TESK2: variants seen among roughly 807,000 people sequenced by gnomAD.
TESK2 encodes the protein dual specificity testis-specific protein kinase 2.
Under a neutral mutation model 57.1 loss-of-function variants are expected in TESK2, and 39 were observed. The ratio of observed to expected loss-of-function variants is 0.68; its 90% confidence interval spans 0.53 to 0.89. The LOEUF (loss-of-function observed/expected upper bound fraction) is 0.89, where lower values mean the gene tolerates loss of function less well. Ranked by LOEUF, TESK2 falls within the 40% of genes least tolerant of loss-of-function variation. The probability of loss-of-function intolerance (pLI) is 0.00; values close to 1 mark genes in which losing one functional copy is unlikely to be tolerated. For missense variants in TESK2, 646 were observed against 732.1 expected, an observed-to-expected ratio of 0.88 and a Z score of 1.36; for synonymous variants, 249 against 267.9, an observed-to-expected ratio of 0.93 and a Z score of 0.69.
chr1:45,391,768 A>G (rs1649156238), intron 3 of TESK2, among the ~76,000 whole-genome samples: 1 of 151,652 alleles, frequency 6.6e-6, no homozygotes, highest in South Asian at 2.1e-4. Flanking sequence ...GTCTCTCCCT[A>G]CCTCCCACAG....
chr1:45,412,113 A>G (rs1246442495), intron 3 of TESK2, among the ~76,000 whole-genome samples: 1 of 152,254 alleles, frequency 6.6e-6, no homozygotes, highest in East Asian at 1.9e-4. Context: ...CTGGAAAAAC[A>G]GACTGAACCT....
At chr1:45,411,520 C>A (rs1317756538) in intron 3 of TESK2, among the ~76,000 whole-genome samples, 6 of 152,188 alleles carry the variant, frequency 3.9e-5, no homozygotes, top group African/African-American at 1.4e-4. Context: ...GCAATGCTTG[C>A]TCACCTGTTC....
At chr1:45,427,532 G>A (rs538509278) in intron 2 of TESK2, among the ~76,000 whole-genome samples, 51 of 152,254 alleles carry the variant, frequency 3.3e-4, no homozygotes, top group African/African-American at 1.0e-3. Flanking sequence ...CAAACAAATG[G>A]ATAAAGAAAA....
intron 3 of TESK2, among the ~76,000 whole-genome samples, chr1:45,407,149 G>C (rs1298024746): frequency 6.6e-6 from 1 of 152,140 alleles, no homozygotes; most frequent in African/African-American, 2.4e-5. Flanking sequence ...GCAGCGGTGT[G>C]ATTACAGCTC....
chr1:45,362,655 T>C (rs1371325128), intron 4 of TESK2, among the ~76,000 whole-genome samples: 1 of 151,986 alleles, frequency 6.6e-6, no homozygotes, highest in Non-Finnish European at 1.5e-5. Context: ...TGGCCAGGAG[T>C]TAGGGCATTT....
intron 3 of TESK2, among the ~76,000 whole-genome samples, chr1:45,408,387 A>T (rs1282009324): frequency 6.6e-6 from 1 of 151,668 alleles, no homozygotes; most frequent in Non-Finnish European, 1.5e-5. Flanking sequence ...TTTATTACCC[A>T]TATTCTAAAA....
chr1:45,391,329 C>T (rs990325271), intron 3 of TESK2, among the ~76,000 whole-genome samples: 3 of 151,626 alleles, frequency 2.0e-5, no homozygotes, highest in Admixed American at 1.3e-4. Context: ...GTGATCCTCC[C>T]ACCTCAGCCT....
chr1:45,480,959 G>T lies in TESK2; in HGVS notation c.-87+9893C>A, dbSNP rs1004306869. Among the ~76,000 whole-genome samples the T allele has an allele frequency of 6.6e-5, 10 of 151,976 alleles. 1 individual carries two copies. The highest frequency in any genetic ancestry group is 2.4e-4 in the African/African-American group (10 of 41,514). On this transcript the variant is annotated intron_variant, in intron 1 of 10. Transcript: ENST00000372086. ...GCTGAGATCGCACCACTGCACTCCA[G>T]CCTGGGTGATGAAGTGAGATTCTGT...
chr1:45,373,990 C>G (rs1233838374), intron 4 of TESK2, among the ~76,000 whole-genome samples: 1 of 152,202 alleles, frequency 6.6e-6, no homozygotes, highest in African/African-American at 2.4e-5. Context: ...AGAAACATAT[C>G]TAGCCTAAAC....
intron 3 of TESK2, among the ~76,000 whole-genome samples, chr1:45,418,295 A>G (rs1650330762): frequency 6.6e-6 from 1 of 152,192 alleles, no homozygotes; most frequent in African/African-American, 2.4e-5. Flanking sequence ...TCAAAGCCTC[A>G]TCTACCTCAC....
At chr1:45,392,264 T>C (rs1649176592) in intron 3 of TESK2, among the ~76,000 whole-genome samples, 1 of 152,202 alleles carries the variant, frequency 6.6e-6, no homozygotes, top group African/African-American at 2.4e-5. Context: ...TTTTGTATTT[T>C]TAGTACAGAC....
chr1:45,462,487 T>C (rs1409080363), intron 1 of TESK2, among the ~76,000 whole-genome samples: 1 of 152,160 alleles, frequency 6.6e-6, no homozygotes, highest in Non-Finnish European at 1.5e-5. Flanking sequence ...TTAGCCAGGA[T>C]GGTCTCGATC....
chr1:45,466,058 A>ATT (rs1652538275), intron 1 of TESK2, among the ~76,000 whole-genome samples: 1 of 152,182 alleles, frequency 6.6e-6, no homozygotes, highest in Non-Finnish European at 1.5e-5. Flanking sequence ...AATAATATAT[A>ATT]CTAATCGGGC....
intron 1 of TESK2, among the ~76,000 whole-genome samples, chr1:45,472,134 C>T (rs1652790784): frequency 6.6e-6 from 1 of 151,844 alleles, no homozygotes; most frequent in Non-Finnish European, 1.5e-5. Flanking sequence ...CACCTGTAGT[C>T]CCAGCTACTC....
intron 1 of TESK2, among the ~76,000 whole-genome samples, chr1:45,469,441 G>T (rs1387360726): frequency 6.6e-6 from 1 of 152,090 alleles, no homozygotes; most frequent in East Asian, 1.9e-4. Flanking sequence ...TAAAGAAAAA[G>T]AAATCAAAAT....
chr1:45,372,789 A>G (rs1442172561), intron 4 of TESK2, among the ~76,000 whole-genome samples: 1 of 152,016 alleles, frequency 6.6e-6, no homozygotes, highest in Non-Finnish European at 1.5e-5. Flanking sequence ...CTGTAATCCC[A>G]GCACTTTGGG....
At chr1:45,409,634 G>A (rs999245801) in intron 3 of TESK2, among the ~76,000 whole-genome samples, 20 of 152,162 alleles carry the variant, frequency 1.3e-4, no homozygotes, top group African/African-American at 4.1e-4. Flanking sequence ...CAATTAGGAT[G>A]GTTGGGCTAG....
chr1:45,381,692 G>A (rs1423732417), intron 4 of TESK2, among the ~76,000 whole-genome samples: 2 of 151,914 alleles, frequency 1.3e-5, no homozygotes, highest in Admixed American at 6.6e-5. Context: ...AACGTTTATT[G>A]TATGCTTTTG....
chr1:45,452,127 T>C (rs1015471350), intron 2 of TESK2, among the ~76,000 whole-genome samples: 9 of 151,780 alleles, frequency 5.9e-5, no homozygotes, highest in Non-Finnish European at 1.2e-4. Context: ...TTTGAAAATA[T>C]AAGTTTTGCT....
Sources: gnomAD v4.1 joint callset for allele counts (sites outside exome capture counted in the v4.1 genomes callset) on GRCh38, gnomAD v4.1.1 for gene constraint, MANE v1.5 for transcripts, NCBI Gene and HGNC (gene_info 2026-07-23, HGNC 2026-07-21) for gene names.